The following TMEFF2 variants were observed in gnomAD, a reference collection of about 807,000 sequenced individuals.
The protein encoded by TMEFF2 is transmembrane protein with EGF like and two follistatin like domains 2, also known as tomoregulin-2.
Under a neutral mutation model 53.8 loss-of-function variants are expected in TMEFF2, and 28 were observed. The observed-to-expected ratio is 0.52, with a 90% CI of 0.39 to 0.71. The LOEUF (loss-of-function observed/expected upper bound fraction) is 0.71, where lower values mean the gene tolerates loss of function less well. TMEFF2 is among the 30% of genes least tolerant of loss of function. TMEFF2 has a pLI of 0.00. For synonymous variants in TMEFF2, 162 were observed against 166.3 expected (o/e 0.97, Z 0.20); for missense variants, 353 against 455.2 (o/e 0.78, Z 2.04).
At chr2:192,067,612 G>A (rs1156571557) in intron 4 of TMEFF2, among the ~76,000 whole-genome samples, 1 of 151,804 alleles carries the variant, frequency 6.6e-6, no homozygotes, top group African/African-American at 2.4e-5. Flanking sequence ...AGCCTCTAAT[G>A]AATAAAGATG....
chr2:192,029,322 T>C lies in TMEFF2; in HGVS notation c.536+28357A>G, dbSNP rs1687057356. 4 of 152,216 alleles carry C rather than the reference T, an allele frequency of 2.6e-5. No individual in the cohort carries two copies. In the South Asian group the frequency reaches 8.3e-4, roughly 32 times the overall value. The allele number at this position is 152,216 out of a possible 1,614,324, so 9.4% of individuals were successfully genotyped here. On this transcript the variant is annotated intron_variant, in intron 5 of 9. Transcript: ENST00000272771. ...ACTGCAGCCCTGGCTGACATCTTGA[T>C]TGCAGTTGTAGGAGGAACCCTAAGT...
chr2:192,047,179 C>G (rs1210828178), intron 5 of TMEFF2, among the ~76,000 whole-genome samples: 1 of 152,150 alleles, frequency 6.6e-6, no homozygotes, highest in Admixed American at 6.5e-5. Flanking sequence ...CCTCAGCTTC[C>G]CAAAGTGCTT....
intron 4 of TMEFF2, among the ~76,000 whole-genome samples, chr2:192,085,632 T>C (rs1431374692): frequency 6.6e-6 from 1 of 150,960 alleles, no homozygotes; most frequent in Non-Finnish European, 1.5e-5. Flanking sequence ...GCACTCTATA[T>C]CTAATAACCA....
chr2:191,952,725 C>T (rs555539000), intron 9 of TMEFF2, among the ~76,000 whole-genome samples: 2 of 152,264 alleles, frequency 1.3e-5, no homozygotes, highest in East Asian at 3.9e-4. Context: ...TTGTGCAATA[C>T]CATACTGAAA....
chr2:192,115,739 G>T (rs1342239723), intron 4 of TMEFF2, among the ~76,000 whole-genome samples: 1 of 151,926 alleles, frequency 6.6e-6, no homozygotes. Context: ...TATATGAAAA[G>T]GTGATTAACA....
At chr2:192,069,959 GA>G (rs1688248069) in intron 4 of TMEFF2, among the ~76,000 whole-genome samples, 1 of 77,110 alleles carries the variant, frequency 1.3e-5, no homozygotes, top group Non-Finnish European at 2.9e-5. Flanking sequence ...TCTAGATTTA[GA>G]AAAATGTGTG....
chr2:192,136,547 A>G (rs531283335), intron 4 of TMEFF2, among the ~76,000 whole-genome samples: 67 of 152,310 alleles, frequency 4.4e-4, no homozygotes, highest in African/African-American at 1.6e-3. Context: ...AATTGAGTGT[A>G]TAGTAGTATT....
intron 2 of TMEFF2, among the ~76,000 whole-genome samples, chr2:192,189,370 C>A (rs913258550): frequency 6.6e-6 from 1 of 151,218 alleles, no homozygotes; most frequent in Non-Finnish European, 1.5e-5. Context: ...GTGGTGAAAC[C>A]GTGTGTCTAC....
At chr2:192,070,659 A>G (rs1449776655) in intron 4 of TMEFF2, among the ~76,000 whole-genome samples, 1 of 151,828 alleles carries the variant, frequency 6.6e-6, no homozygotes, top group Non-Finnish European at 1.5e-5. Context: ...TTTTATATCC[A>G]TCTTAGCATG....
intron 3 of TMEFF2, among the ~76,000 whole-genome samples, chr2:192,183,011 T>C (rs969296467): frequency 6.6e-6 from 1 of 151,970 alleles, no homozygotes; most frequent in Non-Finnish European, 1.5e-5. Flanking sequence ...CTTTTATTCA[T>C]GACTTGTCAC....
intron 4 of TMEFF2, among the ~76,000 whole-genome samples, chr2:192,093,229 A>C (rs2105936480): frequency 6.6e-6 from 1 of 152,332 alleles, no homozygotes; most frequent in African/African-American, 2.4e-5. Flanking sequence ...AATAGATGTT[A>C]CACAAATGTT....
chr2:192,135,167 T>C (rs1176565180), intron 4 of TMEFF2, among the ~76,000 whole-genome samples: 1 of 152,306 alleles, frequency 6.6e-6, no homozygotes, highest in African/African-American at 2.4e-5. Context: ...TTCTCAACTA[T>C]TCATATATGC....
chr2:192,069,396 C>CA (rs562373780), intron 4 of TMEFF2, among the ~76,000 whole-genome samples: 200 of 149,466 alleles, frequency 1.3e-3, no homozygotes, highest in East Asian at 4.9e-3. Context: ...AATCATCACA[C>CA]ACAAAAAAAA....
At chr2:191,993,636 T>G (rs1686157050) in intron 7 of TMEFF2, among the ~76,000 whole-genome samples, 1 of 152,008 alleles carries the variant, frequency 6.6e-6, no homozygotes, top group Admixed American at 6.6e-5. Flanking sequence ...CTCAACATGC[T>G]CCTCCTCATA....
At chr2:192,102,892 A>T (rs1449790524) in intron 4 of TMEFF2, among the ~76,000 whole-genome samples, 1 of 151,830 alleles carries the variant, frequency 6.6e-6, no homozygotes, top group East Asian at 1.9e-4. Context: ...TTTCTTGACC[A>T]TCCTATTGAA....
chr2:191,978,245 C>T (rs995072311), intron 7 of TMEFF2, among the ~76,000 whole-genome samples: 5 of 152,030 alleles, frequency 3.3e-5, no homozygotes, highest in African/African-American at 4.8e-5. Flanking sequence ...AGAGGCAGGC[C>T]GGTATAATGG....
chr2:192,144,105 T>G (rs1369297035), intron 4 of TMEFF2, among the ~76,000 whole-genome samples: 4 of 152,036 alleles, frequency 2.6e-5, no homozygotes, highest in Non-Finnish European at 4.4e-5. Context: ...AAAAACATAA[T>G]TTCTATTTTT....
intron 7 of TMEFF2, among the ~76,000 whole-genome samples, chr2:191,994,554 G>T (rs1686178331): frequency 2.0e-5 from 3 of 150,362 alleles, no homozygotes; most frequent in Admixed American, 2.0e-4. Context: ...TTTTCCATTA[G>T]AAGACATGAG....
chr2:192,114,064 TTGTGTGTGTGTGTGTGTGTGTGTG>T (rs34553641), intron 4 of TMEFF2, among the ~76,000 whole-genome samples: 2 of 143,060 alleles, frequency 1.4e-5, no homozygotes, highest in Admixed American at 1.4e-4. Flanking sequence ...AATCTGGAAA[TTGTGTGTGTGTGTGTGTGTGTGTG>T]TGTGTGTGTG....
Sources: gnomAD v4.1 joint callset for allele counts (sites outside exome capture counted in the v4.1 genomes callset) on GRCh38, gnomAD v4.1.1 for gene constraint, MANE v1.5 for transcripts, NCBI Gene and HGNC (gene_info 2026-07-23, HGNC 2026-07-21) for gene names.